ZNF521: variants seen among roughly 807,000 people sequenced by gnomAD.
The protein encoded by ZNF521 is zinc finger protein 521.
In ZNF521, 14 loss-of-function variants were observed where a neutral mutation model predicts 105.5. The ratio of observed to expected loss-of-function variants is 0.13; its 90% CI spans 0.09 to 0.21. The LOEUF is 0.21. Among genes scored for constraint, ZNF521 ranks in the 10% least tolerant of loss-of-function variants. ZNF521 has a pLI of 1.00. For missense variants in ZNF521, 1,233 were observed against 1,629.7 expected, an observed-to-expected ratio of 0.76 and a Z score of 4.19; for synonymous variants, 635 against 606.0, an observed-to-expected ratio of 1.05 and a Z score of -0.70.
intron 5 of ZNF521, among the ~76,000 whole-genome samples, chr18:25,146,115 T>C (rs756578713): frequency 4.7e-4 from 72 of 152,162 alleles, no homozygotes; most frequent in Non-Finnish European, 7.9e-4. Flanking sequence ...GACTGAGTCT[T>C]TGCAAGGTTG....
At chr18:25,256,115 A>G (rs1268813523) in intron 3 of ZNF521, among the ~76,000 whole-genome samples, 1 of 151,388 alleles carries the variant, frequency 6.6e-6, no homozygotes, top group Non-Finnish European at 1.5e-5. Context: ...GATGCAACAC[A>G]GATGAACCTT....
chr18:25,261,251 C>T (rs1387390792), intron 3 of ZNF521, among the ~76,000 whole-genome samples: 1 of 152,154 alleles, frequency 6.6e-6, no homozygotes, highest in East Asian at 1.9e-4. Flanking sequence ...AACACCTGAC[C>T]TGTCTGATTA....
chr18:25,100,604 T>C (rs981000308), intron 5 of ZNF521, among the ~76,000 whole-genome samples: 8 of 151,928 alleles, frequency 5.3e-5, no homozygotes, highest in African/African-American at 1.9e-4. Context: ...AAAATCACAA[T>C]ACTGCATGCT....
At chr18:25,240,517 T>G (rs1907241283) in intron 3 of ZNF521, among the ~76,000 whole-genome samples, 1 of 152,156 alleles carries the variant, frequency 6.6e-6, no homozygotes, top group Non-Finnish European at 1.5e-5. Flanking sequence ...GAGAGGGCTG[T>G]CAGAAGCATA....
intron 2 of ZNF521, among the ~76,000 whole-genome samples, chr18:25,344,153 G>GA (rs1914355003): frequency 6.7e-6 from 1 of 150,058 alleles, no homozygotes; most frequent in African/African-American, 2.5e-5. Flanking sequence ...ACTAGAGGTG[G>GA]AATGTGATGC....
chr18:25,127,548 A>G (rs1039405241), intron 5 of ZNF521, among the ~76,000 whole-genome samples: 1 of 152,048 alleles, frequency 6.6e-6, no homozygotes, highest in Admixed American at 6.6e-5. Flanking sequence ...AAAACACAAT[A>G]ATGTTTTAGA....
At chr18:25,209,972 TC>T (rs1466095016) in intron 4 of ZNF521, among the ~76,000 whole-genome samples, 1 of 152,196 alleles carries the variant, frequency 6.6e-6, no homozygotes, top group Non-Finnish European at 1.5e-5. Context: ...GAAATATGAT[TC>T]CTCATTTAGA....
chr18:25,156,341 C>T (rs1213037534), intron 5 of ZNF521, among the ~76,000 whole-genome samples: 3 of 152,214 alleles, frequency 2.0e-5, no homozygotes, highest in Non-Finnish European at 2.9e-5. Flanking sequence ...GAACTTCCCA[C>T]AGTGCCTTTC....
intron 5 of ZNF521, among the ~76,000 whole-genome samples, chr18:25,178,243 T>A (rs1256791817): frequency 6.6e-6 from 1 of 152,228 alleles, no homozygotes. Flanking sequence ...CTTCTAGAAA[T>A]GTTGGAGGTT....
Position 25,062,466 on chromosome 18 carries a change from T to C in ZNF521, c.*246A>G. On this transcript the variant is annotated 3_prime_UTR_variant, in exon 8 of 8. Transcript: ENST00000361524. ...TGCCTGAATAGGGCCCAAGTCCACT[T>C]GTCTTTATAAGACCATTTTAGTATC... 1 of 470,380 alleles carries C rather than the reference T, an allele frequency of 2.1e-6. No individual in the cohort carries two copies. Among genetic ancestry groups the C allele is most frequent in the Non-Finnish European group, 3.6e-6 (1 of 276,308 alleles). The allele number at this position is 470,380 out of a possible 1,614,324, so 29.1% of individuals were successfully genotyped here. A position where few individuals can be genotyped will look rare whatever the true frequency, so the allele number is the denominator to read the frequency against.
At chr18:25,263,477 C>T (rs1909050626) in intron 3 of ZNF521, among the ~76,000 whole-genome samples, 1 of 152,118 alleles carries the variant, frequency 6.6e-6, no homozygotes, top group South Asian at 2.1e-4. Context: ...CCTGCCTCAG[C>T]CTCCCAATTA....
chr18:25,062,611 T>C lies in ZNF521; in HGVS notation c.*101A>G. ...AAGTTTTATGGTACAATACAATGTT[T>C]CTGAATAATATACATTAACAATGAA... is the stretch of plus-strand genomic sequence containing the variant. On this transcript the variant is annotated 3_prime_UTR_variant, in exon 8 of 8. Coordinates refer to ENST00000361524, the MANE Select transcript of ZNF521 (RefSeq NM_015461.3). 7.0e-7 allele frequency: 1 copy of C among 1,421,188 alleles called. No individual in the cohort carries two copies. The highest frequency in any genetic ancestry group is 9.7e-7 in the Non-Finnish European group (1 of 1,033,838). 88.0% of individuals were successfully genotyped at this position (1,421,188 alleles called of 1,614,324 possible). A position where few individuals can be genotyped will look rare whatever the true frequency, so the allele number is the denominator to read the frequency against.
Position 25,142,764 on chromosome 18 carries a change from T to TC in ZNF521, c.3659-50684_3659-50683insG, listed in dbSNP as rs1278326896. On this transcript the variant is annotated intron_variant, in intron 5 of 7. Transcript: ENST00000361524. ...CTGTACATTCCCTTTTGTAAGTTATTTTTTGCATCTAAGAAAGGTAGCAGA... is the reference window on the plus strand; with the variant it reads ...CTGTACATTCCCTTTTGTAAGTTATTCTTTTGCATCTAAGAAAGGTAGCAGA... Among the ~76,000 whole-genome samples, 4 of 151,632 alleles carry TC rather than the reference T, an allele frequency of 2.6e-5. No homozygotes were observed. In the East Asian group the frequency reaches 7.7e-4, roughly 29 times the overall value.
chr18:25,252,633 C>T (rs1245617078), intron 3 of ZNF521, among the ~76,000 whole-genome samples: 2 of 151,992 alleles, frequency 1.3e-5, no homozygotes, highest in African/African-American at 4.8e-5. Context: ...AGGTATTTTC[C>T]CTGGATATAT....
At chr18:25,189,148 G>A (rs552584629) in intron 5 of ZNF521, among the ~76,000 whole-genome samples, 21 of 152,110 alleles carry the variant, frequency 1.4e-4, no homozygotes, top group Non-Finnish European at 2.4e-4. Context: ...TAAAAACTCT[G>A]CCTTCCTCCA....
At chr18:25,121,488 C>A (rs1024901046) in intron 5 of ZNF521, among the ~76,000 whole-genome samples, 2 of 151,764 alleles carry the variant, frequency 1.3e-5, no homozygotes, top group East Asian at 1.9e-4. Flanking sequence ...CCTGACCTTG[C>A]GATCTGCCCT....
At chr18:25,232,387 T>C (rs1906591776) in intron 3 of ZNF521, among the ~76,000 whole-genome samples, 1 of 152,234 alleles carries the variant, frequency 6.6e-6, no homozygotes, top group Non-Finnish European at 1.5e-5. Flanking sequence ...AAGATTTATA[T>C]GTGTTGCATG....
rs1186590445 is a variant in ZNF521, at chr18:25,111,738, G to C, written c.3659-19657C>G. On this transcript the variant is annotated intron_variant, in intron 5 of 7. Transcript: ENST00000361524. ...CTCTCAATTTCCAAGGCACAGGCTCGAGTCTTCTCATTAGCACTGAATTCC... is the reference window on the plus strand; with the variant it reads ...CTCTCAATTTCCAAGGCACAGGCTCCAGTCTTCTCATTAGCACTGAATTCC... 2.6e-5 allele frequency among the ~76,000 whole-genome samples: 4 copies of C among 152,170 alleles called. No individual in the cohort carries two copies. The East Asian group carries it at 7.7e-4, about 29-fold the overall frequency.
intron 3 of ZNF521, among the ~76,000 whole-genome samples, chr18:25,253,303 TA>T: frequency 6.6e-6 from 1 of 152,284 alleles, no homozygotes; most frequent in African/African-American, 2.4e-5. Flanking sequence ...ACCAGACCCT[TA>T]ACCCCTGAAG....
Sources: allele counts gnomAD v4.1 joint callset (sites outside exome capture counted in the v4.1 genomes callset), GRCh38; gene constraint gnomAD v4.1.1; transcripts MANE v1.5; gene names NCBI Gene and HGNC (gene_info 2026-07-23, HGNC 2026-07-21).